Variants in ALG13 observed in about 807,000 individuals in gnomAD.
ALG13 encodes the protein UDP-N-acetylglucosamine transferase subunit ALG13.
In ALG13, 11 loss-of-function variants were observed where a neutral mutation model predicts 87.8. That is an observed-to-expected ratio of 0.13 (90% CI 0.08 to 0.21). The LOEUF (loss-of-function observed/expected upper bound fraction) is 0.21. Among genes scored for constraint, ALG13 ranks in the 10% least tolerant of loss-of-function variants. The pLI is 1.00. For synonymous variants in ALG13, 320 were observed against 306.3 expected (o/e 1.04, Z -0.47); for missense variants, 756 against 866.1 (o/e 0.87, Z 1.60).
intron 19 of ALG13, 64 bp downstream of exon 19, chrX:111,728,369 G>A: frequency 8.7e-7 from 1 of 1,149,220 alleles, no homozygotes; most frequent in Non-Finnish European, 1.2e-6. Flanking sequence ...TCAGGCCAGT[G>A]AAGTAGACCA....
chrX:111,691,396 C>T (rs778769840), intron 3 of ALG13, among the ~76,000 whole-genome samples: 15 of 111,716 alleles, frequency 1.3e-4, no homozygotes, highest in South Asian at 3.7e-4. Context: ...CCACCACACC[C>T]GGCCGTAATA....
At chrX:111,753,026 A>G in intron 25 of ALG13, 196 bp downstream of exon 25, 1 of 365,577 alleles carries the variant, frequency 2.7e-6, no homozygotes, top group Non-Finnish European at 4.8e-6. Flanking sequence ...CTCTTATAAA[A>G]TAGTCGTTAA....
chrX:111,684,590 G>A (rs867328142), intron 2 of ALG13, among the ~76,000 whole-genome samples: 1 of 111,692 alleles, frequency 9.0e-6, no homozygotes, highest in African/African-American at 3.3e-5. Context: ...CTCCCAAAGC[G>A]TTGGGATTGT....
chrX:111,744,759 A>T lies in ALG13; in HGVS notation c.2787A>T (p.Pro929=), dbSNP rs772431643. 1 of 863,619 alleles carries T rather than the reference A, an allele frequency of 1.2e-6. No individual in the cohort carries two copies. 71.2% of individuals were successfully genotyped at this position (863,619 alleles called of 1,213,427 possible). A position where few individuals can be genotyped will look rare whatever the true frequency, so the allele number is the denominator to read the frequency against. The change falls in exon 24 of 27, where the codon CCA becomes CCT. Residue 929 remains proline (P), a synonymous_variant. Transcript: ENST00000394780. ...PPPPPPPPPP[P]PPPPPPPPPP... is the part of the protein sequence containing the mutation. ...CACCACCACCACCACCACCACCACC[A>T]CCACCACCACCTCCTCCTCCTCCTC...
chrX:111,681,202 C>A lies in ALG13; in HGVS notation c.-17C>A. On this transcript the variant is annotated 5_prime_UTR_variant, in exon 1 of 27. Transcript: ENST00000394780. ...TCATATCCGGCCCTTGCGATCAGGG[C>A]TTGAGGAACCCGCGCCATGAAGTGC... 2.5e-6 allele frequency: 3 copies of A among 1,209,428 alleles called. No individual in the cohort carries two copies. Among genetic ancestry groups the A allele is most frequent in the Non-Finnish European group, 3.4e-6 (3 of 893,117 alleles).
At chrX:111,733,298 T>C (rs1208117437) in intron 21 of ALG13, among the ~76,000 whole-genome samples, 2 of 110,732 alleles carry the variant, frequency 1.8e-5, no homozygotes, top group Non-Finnish European at 3.8e-5. Flanking sequence ...CTTCCCACCA[T>C]TTCCCCCGAG....
chrX:111,686,902 G>C (rs1743154803), intron 3 of ALG13, among the ~76,000 whole-genome samples: 1 of 111,602 alleles, frequency 9.0e-6, no homozygotes, highest in African/African-American at 3.3e-5. Flanking sequence ...TTAATTTCAA[G>C]AAAGTCACAT....
rs747780800 is a variant in ALG13 at position 111,720,116 on chromosome X, C to T, written c.1272C>T (p.Cys424=). 2 of 1,193,523 alleles carry T rather than the reference C, an allele frequency of 1.7e-6. No homozygotes were observed. The change falls in exon 11 of 27, where the codon TGC becomes TGT. Residue 424 remains cysteine (C), a synonymous_variant. Transcript: ENST00000394780. ...NQNRMEEWGA[C]YNAENIPEGY... is the part of the protein sequence containing the mutation. ...TTAGGATGGAAGAGTGGGGTGCCTG[C>T]TACAATGCTGAAAATATACCAGAGG...
chrX:111,702,081 C>T (rs1401645251), intron 3 of ALG13, among the ~76,000 whole-genome samples: 1 of 111,703 alleles, frequency 9.0e-6, no homozygotes, highest in Non-Finnish European at 1.9e-5. Context: ...TGTTTTTTAG[C>T]CTAACAATGT....
intron 3 of ALG13, among the ~76,000 whole-genome samples, chrX:111,702,182 C>A (rs1490121423): frequency 9.0e-6 from 1 of 111,703 alleles, no homozygotes; most frequent in Non-Finnish European, 1.9e-5. Context: ...TCTGTTAGGT[C>A]CATTTGGTGT....
intron 24 of ALG13, among the ~76,000 whole-genome samples, chrX:111,747,128 G>C (rs1944309230): frequency 9.0e-6 from 1 of 111,560 alleles, no homozygotes; most frequent in Non-Finnish European, 1.9e-5. Context: ...GCACTTTCAT[G>C]AGTTTGGAAA....
chrX:111,736,841 A>T lies in ALG13; in HGVS notation c.2657A>T (p.Gln886Leu). 3 of 1,209,771 alleles carry T rather than the reference A, an allele frequency of 2.5e-6. No individual in the cohort carries two copies. Among genetic ancestry groups the T allele is most frequent in the Non-Finnish European group, 3.4e-6 (3 of 894,513 alleles). ...TCAGTTTCCTCACAGAATGCTATAC[A>T]GCCTCTCTTTGTATCTCCACCTACA... The part of the protein sequence containing the change: ...TTSVSSQNAI[Q>L]PLFVSPPTHG... Residue 886 changes from glutamine to leucine, a missense_variant, in exon 23 of 27, where the codon CAG (glutamine) becomes CTG (leucine). Transcript: ENST00000394780.
intron 24 of ALG13, among the ~76,000 whole-genome samples, chrX:111,750,869 A>C (rs1477586690): frequency 9.2e-6 from 1 of 108,749 alleles, no homozygotes; most frequent in Non-Finnish European, 1.9e-5. Context: ...GAGTTTCTCC[A>C]TGTTGGCCAG....
chrX:111,727,677 C>T lies in ALG13; in HGVS notation c.2154C>T (p.Thr718=). 8.3e-7 allele frequency: 1 copy of T among 1,209,148 alleles called. No homozygotes were observed. Among genetic ancestry groups the T allele is most frequent in the Non-Finnish European group, 1.1e-6 (1 of 893,794 alleles). Residue 718 remains threonine (T), a synonymous_variant, in exon 18 of 27, where the codon ACC becomes ACT. Transcript: ENST00000394780. ...CVNKESQYGF[T]PGNGQMPRGL... is the part of the protein sequence containing the mutation. Reference sequence around the variant, plus strand: ...ATAAGGAGTCCCAGTATGGATTTACCCCAGGGAATGGACAGATGCCCAGGG... The same window carrying T: ...ATAAGGAGTCCCAGTATGGATTTACTCCAGGGAATGGACAGATGCCCAGGG...
intron 3 of ALG13, chrX:111,690,259 A>T (rs1423180326): frequency 4.0e-6 from 3 of 752,551 alleles, no homozygotes; most frequent in Non-Finnish European, 4.7e-6. Flanking sequence ...AGTGGAATGC[A>T]GTTTATTTAG....
At chrX:111,752,912 A>G in intron 25 of ALG13, 82 bp downstream of exon 25, 1 of 726,231 alleles carries the variant, frequency 1.4e-6, no homozygotes. Flanking sequence ...TTGAACTTCG[A>G]AAGCCAAAAT....
At chrX:111,681,700 C>T (rs1002548436) in intron 1 of ALG13, 5 of 846,121 alleles carry the variant, frequency 5.9e-6, no homozygotes, top group South Asian at 4.5e-5. Context: ...TCGGCGCCGG[C>T]GTCTGAGCCA....
chrX:111,700,422 G>A (rs1254856982), intron 3 of ALG13, among the ~76,000 whole-genome samples: 4 of 110,847 alleles, frequency 3.6e-5, no homozygotes, highest in African/African-American at 6.6e-5. Flanking sequence ...AGTGGTGAGA[G>A]GGGGCATCCT....
chrX:111,720,129 A>T lies in ALG13; in HGVS notation c.1285A>T (p.Asn429Tyr). The T allele has an allele frequency of 1.7e-6, 2 of 1,196,601 alleles. No homozygotes were observed. Among genetic ancestry groups the T allele is most frequent in the Non-Finnish European group, 2.3e-6 (2 of 887,410 alleles). The change falls in exon 11 of 27, where the codon AAT becomes TAT. Residue 429 changes from asparagine (N) to tyrosine (Y), a missense_variant. By Grantham distance (143) the Asn-to-Tyr change is moderately radical. Around this residue, in one of 9 missense-constraint regions of ALG13, gnomAD observed 48 missense variants for 50.5 expected, o/e 0.95. Coordinates refer to ENST00000394780, the MANE Select transcript of ALG13 (RefSeq NM_001099922.3). The stretch of plus-strand genomic sequence containing the variant: ...GTGGGGTGCCTGCTACAATGCTGAA[A>T]ATATACCAGAGGGCTACAATAAAGG... ...EEWGACYNAE[N>Y]IPEGYNKGTE...
Sources: gnomAD v4.1 joint callset for allele counts (sites outside exome capture counted in the v4.1 genomes callset) on GRCh38, gnomAD v4.1.1 for gene constraint, gnomAD v4.1.1 regional missense constraint, MANE v1.5 for transcripts, NCBI Gene and HGNC (gene_info 2026-07-23, HGNC 2026-07-21) for gene names.